AMPH: variants seen among roughly 807,000 people sequenced by gnomAD.
AMPH encodes the protein amphiphysin.
Under a neutral mutation model 99.1 loss-of-function variants are expected in AMPH, and 49 were observed. The observed-to-expected ratio is 0.49, with a 90% CI of 0.39 to 0.63. The LOEUF (loss-of-function observed/expected upper bound fraction) is 0.63, where lower values mean the gene tolerates loss of function less well. Ranked by LOEUF, AMPH falls within the 20% of genes least tolerant of loss-of-function variation. The pLI is 0.00. For missense variants in AMPH, 759 were observed against 863.4 expected, an observed-to-expected ratio of 0.88 and a Z score of 1.52; for synonymous variants, 314 against 317.3, an observed-to-expected ratio of 0.99 and a Z score of 0.11.
In AMPH at chr7:38,433,712, G is replaced by A. The variant is rs1365126896; in HGVS notation, c.1135-1500C>T. On this transcript the variant is annotated intron_variant, in intron 12 of 20. Transcript: ENST00000356264. ...TGCACTCCAGCCTGGGCAACAGAGC[G>A]AGACTCCGTCTCAAAAAAAAAAAAA... 1.3e-4 allele frequency among the ~76,000 whole-genome samples: 5 copies of A among 39,492 alleles called. 1 individual carries two copies. The highest frequency in any genetic ancestry group is 2.2e-4 in the Non-Finnish European group (5 of 23,208). The allele number at this position is 39,492 out of a possible 152,430, so 25.9% of individuals were successfully genotyped here. A position where few individuals can be genotyped will look rare whatever the true frequency, so the allele number is the denominator to read the frequency against.
intron 1 of AMPH, among the ~76,000 whole-genome samples, chr7:38,630,911 A>AGCGCAGGGAGATGCGC (rs1794434776): frequency 6.6e-6 from 1 of 152,182 alleles, no homozygotes; most frequent in Non-Finnish European, 1.5e-5. Flanking sequence ...GGGAGATGCG[A>AGCGCAGGGAGATGCGC]GCGCAGGGAG....
chr7:38,612,236 C>CCAG (rs1289633547), intron 1 of AMPH, among the ~76,000 whole-genome samples: 2 of 151,886 alleles, frequency 1.3e-5, no homozygotes, highest in Admixed American at 1.3e-4. Flanking sequence ...GCCACTACAC[C>CCAG]CGGCTAATTC....
intron 3 of AMPH, among the ~76,000 whole-genome samples, chr7:38,495,455 T>C (rs1201661753): frequency 6.6e-6 from 1 of 152,150 alleles, no homozygotes; most frequent in Admixed American, 6.5e-5. Flanking sequence ...ACAAGATGCA[T>C]ATCATCGCAG....
At chr7:38,518,166 A>G (rs1789823434) in intron 2 of AMPH, among the ~76,000 whole-genome samples, 1 of 152,192 alleles carries the variant, frequency 6.6e-6, no homozygotes, top group Non-Finnish European at 1.5e-5. Context: ...ACATGGTGAT[A>G]ATTCTACAGG....
At chr7:38,624,920 C>T (rs1363082712) in intron 1 of AMPH, among the ~76,000 whole-genome samples, 2 of 151,382 alleles carry the variant, frequency 1.3e-5, no homozygotes, top group Non-Finnish European at 2.9e-5. Flanking sequence ...AGAATGGAAA[C>T]AAGTCAGCAG....
intron 18 of AMPH, among the ~76,000 whole-genome samples, chr7:38,393,683 C>T (rs530555245): frequency 1.3e-5 from 2 of 152,302 alleles, no homozygotes; most frequent in South Asian, 4.1e-4. Context: ...ATCACATTCT[C>T]TTTCTCCCGG....
At chr7:38,398,344 G>A (rs1292789208) in intron 17 of AMPH, among the ~76,000 whole-genome samples, 1 of 152,144 alleles carries the variant, frequency 6.6e-6, no homozygotes, top group African/African-American at 2.4e-5. Context: ...TATATACAAT[G>A]GAGTACTATT....
intron 2 of AMPH, among the ~76,000 whole-genome samples, chr7:38,523,388 A>G (rs1367187496): frequency 1.3e-5 from 2 of 152,178 alleles, no homozygotes; most frequent in African/African-American, 4.8e-5. Flanking sequence ...TTCTTGGAAA[A>G]ATAACTGATT....
chr7:38,607,677 T>C (rs543102020), intron 1 of AMPH, among the ~76,000 whole-genome samples: 18 of 152,322 alleles, frequency 1.2e-4, no homozygotes, highest in South Asian at 4.1e-4. Context: ...TCGATATCTA[T>C]GACTGCACAA....
intron 1 of AMPH, among the ~76,000 whole-genome samples, chr7:38,598,784 A>C (rs1256587707): frequency 2.0e-5 from 3 of 152,124 alleles, no homozygotes; most frequent in Non-Finnish European, 2.9e-5. Flanking sequence ...TTTGTACTTT[A>C]ACTGATTAAT....
chr7:38,389,789 T>G lies in AMPH; in HGVS notation c.1980+15A>C, dbSNP rs748016969. On this transcript the variant is annotated intron_variant, in intron 20 of 20. Coordinates refer to ENST00000356264, the MANE Select transcript of AMPH (RefSeq NM_001635.4). ...ATCAACGTAGCCCAAAGCATCTTCCTATCTTTTCTTTTACCTGATCAGCTT... is the reference window on the plus strand; with the variant it reads ...ATCAACGTAGCCCAAAGCATCTTCCGATCTTTTCTTTTACCTGATCAGCTT... 2 of 1,596,844 alleles carry G rather than the reference T, an allele frequency of 1.3e-6. No individual in the cohort carries two copies. The highest frequency in any genetic ancestry group is 2.7e-5 in the African/African-American group (2 of 74,624).
chr7:38,510,869 A>G (rs1212230730), intron 2 of AMPH, among the ~76,000 whole-genome samples: 1 of 152,154 alleles, frequency 6.6e-6, no homozygotes. Context: ...GTGAATAAAG[A>G]TATCAATTGT....
intron 11 of AMPH, among the ~76,000 whole-genome samples, chr7:38,443,532 C>T (rs1010688957): frequency 2.0e-5 from 3 of 152,092 alleles, no homozygotes; most frequent in Non-Finnish European, 4.4e-5. Flanking sequence ...CCTAGGACTT[C>T]ATGGATGGTT....
At chr7:38,557,923 G>A (rs1791422324) in intron 1 of AMPH, among the ~76,000 whole-genome samples, 1 of 151,808 alleles carries the variant, frequency 6.6e-6, no homozygotes, top group South Asian at 2.1e-4. Flanking sequence ...ACGCATGGTG[G>A]CACACGCTGT....
intron 1 of AMPH, among the ~76,000 whole-genome samples, chr7:38,588,492 G>C (rs1348347646): frequency 6.6e-6 from 1 of 152,070 alleles, no homozygotes; most frequent in Non-Finnish European, 1.5e-5. Flanking sequence ...GAACTGATCT[G>C]GGAAAACAAA....
intron 1 of AMPH, among the ~76,000 whole-genome samples, chr7:38,557,472 C>A (rs1791407905): frequency 6.6e-6 from 1 of 152,184 alleles, no homozygotes; most frequent in African/African-American, 2.4e-5. Context: ...AAGGGGCTTT[C>A]CCCTTCACTG....
intron 12 of AMPH, among the ~76,000 whole-genome samples, 173 bp from the exon 13 acceptor site, chr7:38,432,385 T>C (rs7795048): frequency 6.6e-6 from 1 of 152,284 alleles, no homozygotes; most frequent in East Asian, 1.9e-4. Flanking sequence ...TTATCCAGTA[T>C]GGTAGCCACC....
At chr7:38,437,523 T>G (rs1049268284) in intron 11 of AMPH, among the ~76,000 whole-genome samples, 4 of 150,750 alleles carry the variant, frequency 2.7e-5, no homozygotes, top group Non-Finnish European at 5.9e-5. Context: ...GGCTCATGCC[T>G]GTAATCCCAG....
At chr7:38,537,165 C>CA (rs574969505) in intron 1 of AMPH, among the ~76,000 whole-genome samples, 37 of 151,450 alleles carry the variant, frequency 2.4e-4, no homozygotes, top group South Asian at 1.9e-3. Flanking sequence ...AAACTCCCAG[C>CA]AAAAAAAATT....
Sources: allele counts gnomAD v4.1 joint callset (sites outside exome capture counted in the v4.1 genomes callset), GRCh38; gene constraint gnomAD v4.1.1; transcripts MANE v1.5; gene names NCBI Gene and HGNC (gene_info 2026-07-23, HGNC 2026-07-21).